Variants in IGSF11 observed in about 807,000 individuals in gnomAD.
IGSF11 encodes CXADR like 1.
In IGSF11, 22 loss-of-function variants were observed where a neutral mutation model predicts 41.0. The ratio of observed to expected loss-of-function variants is 0.54; its 90% CI spans 0.38 to 0.77. The LOEUF (loss-of-function observed/expected upper bound fraction) is 0.77. IGSF11 is among the 30% of genes least tolerant of loss of function. IGSF11 has a pLI of 0.00. For missense variants in IGSF11, 444 were observed against 530.8 expected, an observed-to-expected ratio of 0.84 and a Z score of 1.61; for synonymous variants, 219 against 201.3, an observed-to-expected ratio of 1.09 and a Z score of -0.74.
At chr3:118,936,979 G>C (rs1454647684) in intron 1 of IGSF11, among the ~76,000 whole-genome samples, 1 of 152,202 alleles carries the variant, frequency 6.6e-6, no homozygotes, top group Non-Finnish European at 1.5e-5. Flanking sequence ...ATTGAACGTT[G>C]GATGTTCACA....
intron 1 of IGSF11, among the ~76,000 whole-genome samples, chr3:118,946,446 TAAA>T (rs151177743): frequency 7.0e-6 from 1 of 143,342 alleles, no homozygotes; most frequent in East Asian, 2.0e-4. Context: ...CTATTTTACT[TAAA>T]AAAAAAAAAG....
chr3:119,019,188 G>C (rs577261577), intron 1 of IGSF11, among the ~76,000 whole-genome samples: 1 of 151,864 alleles, frequency 6.6e-6, no homozygotes, highest in Admixed American at 6.6e-5. Flanking sequence ...GTCAAAATTG[G>C]TGCATCTGGC....
At chr3:119,024,438 G>A (rs1939620000) in intron 1 of IGSF11, among the ~76,000 whole-genome samples, 1 of 152,150 alleles carries the variant, frequency 6.6e-6, no homozygotes, top group Non-Finnish European at 1.5e-5. Flanking sequence ...TAGGCAGTGA[G>A]TTTATGAATC....
chr3:119,018,544 T>C (rs1938973181), intron 1 of IGSF11, among the ~76,000 whole-genome samples: 1 of 152,254 alleles, frequency 6.6e-6, no homozygotes, highest in South Asian at 2.1e-4. Context: ...TTACATATTA[T>C]GTTTACCTAT....
intron 1 of IGSF11, among the ~76,000 whole-genome samples, chr3:119,031,580 T>C (rs1313497254): frequency 6.6e-6 from 1 of 152,264 alleles, no homozygotes; most frequent in East Asian, 1.9e-4. Flanking sequence ...ACCCCTTGCA[T>C]CATTACCTTG....
At chr3:119,027,740 G>A (rs1161688594) in intron 1 of IGSF11, among the ~76,000 whole-genome samples, 2 of 152,044 alleles carry the variant, frequency 1.3e-5, no homozygotes, top group African/African-American at 2.4e-5. Flanking sequence ...AATCTTTAAG[G>A]CCAGGAAGTT....
At chr3:119,001,355 G>A (rs1221538453) in intron 1 of IGSF11, among the ~76,000 whole-genome samples, 1 of 151,140 alleles carries the variant, frequency 6.6e-6, no homozygotes, top group Admixed American at 6.6e-5. Context: ...ACTTCTTTTT[G>A]CTTGGCTTCT....
At chr3:119,111,640 G>A (rs2077162758) in intron 1 of IGSF11, among the ~76,000 whole-genome samples, 1 of 152,250 alleles carries the variant, frequency 6.6e-6, no homozygotes, top group African/African-American at 2.4e-5. Flanking sequence ...GTGAGGAACT[G>A]CGTTCCTTTG....
chr3:118,984,476 T>C (rs1935059270), intron 1 of IGSF11, among the ~76,000 whole-genome samples: 1 of 152,086 alleles, frequency 6.6e-6, no homozygotes, highest in Non-Finnish European at 1.5e-5. Context: ...AAGATACATA[T>C]GAATTGGGAG....
intron 1 of IGSF11, among the ~76,000 whole-genome samples, chr3:119,083,535 C>A (rs13073678): frequency 1.6e-5 from 2 of 127,546 alleles, no homozygotes; most frequent in African/African-American, 3.2e-5. Flanking sequence ...CACACACACA[C>A]AAACACACAC....
intron 1 of IGSF11, among the ~76,000 whole-genome samples, chr3:119,047,334 AG>A (rs1446837806): frequency 6.6e-6 from 1 of 152,226 alleles, no homozygotes; most frequent in African/African-American, 2.4e-5. Context: ...TAAAAAAGGC[AG>A]GAGTTGCAAT....
At chr3:118,989,813 A>G (rs1935616986) in intron 1 of IGSF11, among the ~76,000 whole-genome samples, 1 of 152,216 alleles carries the variant, frequency 6.6e-6, no homozygotes, top group Non-Finnish European at 1.5e-5. Context: ...CAATGAATAG[A>G]GTGACATAAC....
chr3:118,939,858 G>A (rs1943551916), intron 1 of IGSF11, among the ~76,000 whole-genome samples: 1 of 152,096 alleles, frequency 6.6e-6, no homozygotes, highest in South Asian at 2.1e-4. Context: ...AAAGTATCAA[G>A]ACAGAGTAGA....
At chr3:118,970,370 G>C (rs1319695713) in intron 1 of IGSF11, among the ~76,000 whole-genome samples, 2 of 152,028 alleles carry the variant, frequency 1.3e-5, no homozygotes, top group Non-Finnish European at 2.9e-5. Context: ...AAATAAACCA[G>C]ACATAAAGAG....
At chr3:119,104,569 C>A (rs2076990166) in intron 1 of IGSF11, among the ~76,000 whole-genome samples, 1 of 152,084 alleles carries the variant, frequency 6.6e-6, no homozygotes, top group African/African-American at 2.4e-5. Flanking sequence ...ATTTTCACAG[C>A]TAGCCAATGA....
At position 118,938,041 on chromosome 3, in the gene IGSF11, A is replaced by ATG. The variant is rs142768013; in HGVS notation, c.53-7768_53-7767dup. ...TCTCTCTCATATATATATATATAAA[A>ATG]TGTGTGTGTGTGTGTGTGTGTACAT... On this transcript the variant is annotated intron_variant, in intron 1 of 6. Transcript: ENST00000393775. Among the ~76,000 whole-genome samples the ATG allele has an allele frequency of 3.2e-3, 473 of 149,186 alleles. 2 individuals are homozygous for ATG. Among genetic ancestry groups the ATG allele is most frequent in the African/African-American group, 7.9e-3 (323 of 40,856 alleles).
chr3:118,997,265 G>A (rs879850089), intron 1 of IGSF11, among the ~76,000 whole-genome samples: 4 of 152,088 alleles, frequency 2.6e-5, no homozygotes, highest in Admixed American at 1.3e-4. Context: ...AGTTATCTAC[G>A]GTAAACAGGA....
At chr3:119,093,894 A>G (rs1051353395) in intron 1 of IGSF11, among the ~76,000 whole-genome samples, 8 of 152,168 alleles carry the variant, frequency 5.3e-5, no homozygotes, top group African/African-American at 1.9e-4. Context: ...GAGAAATAGA[A>G]TATCCAAGAG....
At chr3:119,007,431 G>A (rs1937577662) in intron 1 of IGSF11, among the ~76,000 whole-genome samples, 1 of 151,580 alleles carries the variant, frequency 6.6e-6, no homozygotes, top group South Asian at 2.1e-4. Context: ...CTTCTGCGTC[G>A]CTCACGCTGG....
Sources: gnomAD v4.1 joint callset for allele counts (sites outside exome capture counted in the v4.1 genomes callset) on GRCh38, gnomAD v4.1.1 for gene constraint, MANE v1.5 for transcripts, NCBI Gene and HGNC (gene_info 2026-07-23, HGNC 2026-07-21) for gene names.